FOXN3: variants seen among roughly 807,000 people sequenced by gnomAD.
FOXN3 encodes forkhead box protein N3.
FOXN3 carries 7 observed loss-of-function variants against 38.4 expected under a neutral mutation model. That is an observed-to-expected ratio of 0.18 (90% confidence interval 0.10 to 0.34). FOXN3 has a LOEUF of 0.34. FOXN3 is among the 10% of genes least tolerant of loss of function. The pLI, the probability that FOXN3 is intolerant of heterozygous loss-of-function variation, is 1.00. For missense variants in FOXN3, 456 were observed against 613.4 expected (o/e 0.74, Z 2.71); for synonymous variants, 230 against 242.2 (o/e 0.95, Z 0.47).
At chr14:89,328,332 T>TGG (rs763485132) in intron 3 of FOXN3, among the ~76,000 whole-genome samples, 3 of 151,936 alleles carry the variant, frequency 2.0e-5, no homozygotes, top group Non-Finnish European at 4.4e-5. Context: ...CAAAGAGACA[T>TGG]TCCCAACAGC....
At chr14:89,291,272 A>G (rs1596158922) in intron 3 of FOXN3, 1 of 447,510 alleles carries the variant, frequency 2.2e-6, no homozygotes, top group East Asian at 5.5e-5. Flanking sequence ...GGACTTCTGA[A>G]TCTTTTCTGA....
At chr14:89,246,324 C>A (rs1026756984) in intron 4 of FOXN3, among the ~76,000 whole-genome samples, 4 of 151,900 alleles carry the variant, frequency 2.6e-5, no homozygotes, top group Admixed American at 6.6e-5. Context: ...ATATATTTTC[C>A]CGGGGCATGA....
At position 89,285,468 on chromosome 14, in the gene FOXN3, G is replaced by A. The variant is rs148866296; in HGVS notation, c.681-4454C>T. ...CAGGAGGCGGAGGTTGCAGTGAGCC[G>A]AGATCACGCCACTGCACTCCAGCCT... On this transcript the variant is annotated intron_variant, in intron 3 of 5. Transcript: ENST00000557258. Among the ~76,000 whole-genome samples the A allele has an allele frequency of 4.2e-3, 638 of 151,298 alleles. 4 individuals carry two copies. The highest frequency in any genetic ancestry group is 0.015 in the African/African-American group (605 of 41,184).
At chr14:89,242,992 C>T (rs911424081) in intron 4 of FOXN3, among the ~76,000 whole-genome samples, 2 of 152,102 alleles carry the variant, frequency 1.3e-5, no homozygotes, top group Non-Finnish European at 2.9e-5. Context: ...TCTTTATGCC[C>T]AAGTTTCTTC....
chr14:89,414,551 G>GTTT (rs748504239), intron 1 of FOXN3, among the ~76,000 whole-genome samples: 5 of 122,904 alleles, frequency 4.1e-5, no homozygotes, highest in South Asian at 2.7e-4. Context: ...GGCCCAACCG[G>GTTT]TTTTTTTTTT....
chr14:89,554,743 G>C (rs1384441670), intron 1 of FOXN3, among the ~76,000 whole-genome samples: 1 of 148,734 alleles, frequency 6.7e-6, no homozygotes, highest in African/African-American at 2.5e-5. Flanking sequence ...ATCTACTGCT[G>C]CATCATTTCA....
At chr14:89,470,267 A>G (rs1386260107) in intron 1 of FOXN3, among the ~76,000 whole-genome samples, 1 of 146,680 alleles carries the variant, frequency 6.8e-6, no homozygotes, top group African/African-American at 2.5e-5. Context: ...TCAACCTACA[A>G]TTATTACATA....
At chr14:89,255,821 T>C (rs542078940) in intron 4 of FOXN3, among the ~76,000 whole-genome samples, 50 of 152,194 alleles carry the variant, frequency 3.3e-4, no homozygotes, top group Admixed American at 7.8e-4. Context: ...TTCATGACTG[T>C]CCTCAAGAAA....
intron 2 of FOXN3, among the ~76,000 whole-genome samples, chr14:89,398,737 GC>G (rs1347088446): frequency 6.6e-6 from 1 of 152,204 alleles, no homozygotes; most frequent in Non-Finnish European, 1.5e-5. Context: ...TGTAATCCCA[GC>G]ACTTTGGAAG....
intron 4 of FOXN3, among the ~76,000 whole-genome samples, chr14:89,238,119 C>G (rs1016877070): frequency 2.0e-5 from 3 of 152,196 alleles, no homozygotes; most frequent in Admixed American, 6.5e-5. Flanking sequence ...AGTCTTTAGT[C>G]TTTTCCAAAT....
intron 3 of FOXN3, among the ~76,000 whole-genome samples, chr14:89,283,495 T>C (rs753107009): frequency 1.3e-5 from 2 of 152,170 alleles, no homozygotes; most frequent in African/African-American, 4.8e-5. Context: ...AAACCACACA[T>C]AGTACATGAA....
chr14:89,291,680 G>A (rs1886877158), intron 3 of FOXN3: 2 of 411,694 alleles, frequency 4.9e-6, no homozygotes, highest in Admixed American at 6.4e-5. Context: ...CCCTTATTGT[G>A]TTGTTTTAAA....
Position 89,227,315 on chromosome 14 carries a change from A to G in FOXN3, c.746-46509T>C, listed in dbSNP as rs574224661. Among the ~76,000 whole-genome samples, 43 of 152,330 alleles carry G rather than the reference A, an allele frequency of 2.8e-4. 1 individual carries two copies. The highest frequency in any genetic ancestry group is 2.7e-3 in the South Asian group (13 of 4,828). On this transcript the variant is annotated intron_variant, in intron 4 of 5. Transcript: ENST00000557258. ...TAAAGTGAATGAGGCTGCAATATTG[A>G]CATAAACCGTAACACATGTTCACAG...
In FOXN3 at chr14:89,504,901, A is replaced by G. The variant is rs1327447999; in HGVS notation, c.-14-92411T>C. ...CCCAGAGCTCTTGGATCCATTCCCCACTCACCCAGGAACTTCTAAACCAGA... is the reference window on the plus strand; with the variant it reads ...CCCAGAGCTCTTGGATCCATTCCCCGCTCACCCAGGAACTTCTAAACCAGA... On this transcript the variant is annotated intron_variant, in intron 1 of 6. Transcript: ENST00000345097. 1.3e-5 allele frequency among the ~76,000 whole-genome samples: 2 copies of G among 151,982 alleles called. 1 individual carries two copies. Among genetic ancestry groups the G allele is most frequent in the Non-Finnish European group, 2.9e-5 (2 of 67,982 alleles).
intron 1 of FOXN3, among the ~76,000 whole-genome samples, chr14:89,572,316 A>G (rs1263374256): frequency 6.6e-6 from 1 of 152,260 alleles, no homozygotes; most frequent in African/African-American, 2.4e-5. Flanking sequence ...TCAAATAATT[A>G]AAAGATTAAT....
intron 1 of FOXN3, among the ~76,000 whole-genome samples, chr14:89,457,663 A>G (rs1892753889): frequency 6.6e-6 from 1 of 152,212 alleles, no homozygotes; most frequent in African/African-American, 2.4e-5. Context: ...CATGAAGGCT[A>G]TCTGTCCCCT....
intron 4 of FOXN3, among the ~76,000 whole-genome samples, chr14:89,192,512 T>C (rs889787921): frequency 1.4e-5 from 2 of 139,148 alleles, no homozygotes; most frequent in African/African-American, 5.2e-5. Flanking sequence ...TTATAAACTA[T>C]ATATTAGTTT....
intron 1 of FOXN3, among the ~76,000 whole-genome samples, chr14:89,558,171 A>G (rs533307237): frequency 5.7e-4 from 87 of 152,284 alleles, no homozygotes; most frequent in Non-Finnish European, 1.1e-3. Context: ...GGCACTGAGG[A>G]TGGGTTTTAA....
chr14:89,515,978 G>A (rs567284064), intron 1 of FOXN3, among the ~76,000 whole-genome samples: 3 of 152,190 alleles, frequency 2.0e-5, no homozygotes, highest in South Asian at 2.1e-4. Context: ...CCAGGGCTTT[G>A]GTCAAAAGCT....
Sources: allele counts gnomAD v4.1 joint callset (sites outside exome capture counted in the v4.1 genomes callset), GRCh38; gene constraint gnomAD v4.1.1; transcripts MANE v1.5; gene names NCBI Gene and HGNC (gene_info 2026-07-23, HGNC 2026-07-21).